TOMM34: variants seen among roughly 807,000 people sequenced by gnomAD.
TOMM34 encodes translocase of outer mitochondrial membrane 34.
A neutral mutation model predicts 37.4 loss-of-function variants in TOMM34; 24 were observed. The ratio of observed to expected loss-of-function variants is 0.64; its 90% confidence interval spans 0.46 to 0.90. The LOEUF (loss-of-function observed/expected upper bound fraction) is 0.90, where lower values mean the gene tolerates loss of function less well. Ranked by LOEUF, TOMM34 falls within the 40% of genes least tolerant of loss-of-function variation. The pLI is 0.00. For missense variants in TOMM34, 304 were observed against 375.6 expected (o/e 0.81, Z 1.58); for synonymous variants, 154 against 148.9 (o/e 1.03, Z -0.25).
In TOMM34 at chr20:44,947,533, C is replaced by G. The variant is rs1343812973; in HGVS notation, c.698+1197G>C. Among the ~76,000 whole-genome samples the G allele has an allele frequency of 3.9e-5, 6 of 152,228 alleles. No individual in the cohort carries two copies. In the East Asian group the frequency reaches 1.2e-3, roughly 29 times the overall value. On this transcript the variant is annotated intron_variant, in intron 5 of 6. Coordinates refer to ENST00000372813, the MANE Select transcript of TOMM34 (RefSeq NM_006809.5). ...TTTTTTTTTGTGACAGAGTCTCGCT[C>G]TGTCACCCAGGCTGGAGTGCAGTGG...
chr20:44,949,138 A>G (rs1013139170), intron 4 of TOMM34, among the ~76,000 whole-genome samples: 1 of 152,212 alleles, frequency 6.6e-6, no homozygotes, highest in Non-Finnish European at 1.5e-5. Context: ...ATAAATGATA[A>G]AAAGCAACCC....
intron 3 of TOMM34, among the ~76,000 whole-genome samples, chr20:44,952,416 T>C (rs1440312851): frequency 6.6e-6 from 1 of 152,210 alleles, no homozygotes; most frequent in Non-Finnish European, 1.5e-5. Context: ...GCTTATGTCA[T>C]TCTCAAATCT....
Position 44,955,277 on chromosome 20 carries a change from TAC to T in TOMM34, c.228-59_228-58del, listed in dbSNP as rs1313398279. The T allele has an allele frequency of 2.5e-6, 4 of 1,592,162 alleles. No homozygotes were observed. In the African/African-American group the frequency reaches 4.0e-5, roughly 16 times the overall value. ...GGCTGCTGAGCCACCAGGGTTTCCC[TAC>T]AGTTTCTTCCAGGCAGGGTTATCTG... On this transcript the variant is annotated intron_variant, in intron 2 of 6. Transcript: ENST00000372813.
intron 5 of TOMM34, 120 bp downstream of exon 5, chr20:44,948,608 CAT>C (rs2145597581): frequency 8.1e-7 from 1 of 1,237,988 alleles, no homozygotes; most frequent in East Asian, 2.4e-5. Context: ...AACGTGGATG[CAT>C]GTTTTCAGCC....
At chr20:44,957,496 G>A (rs1601151245) in intron 1 of TOMM34, among the ~76,000 whole-genome samples, 1 of 152,006 alleles carries the variant, frequency 6.6e-6, no homozygotes, top group African/African-American at 2.4e-5. Context: ...TATTTTTAAA[G>A]ATAATTTTCA....
chr20:44,960,148 C>G (rs941811627), intron 1 of TOMM34, 59 bp downstream of exon 1: 1 of 1,508,596 alleles, frequency 6.6e-7, no homozygotes, highest in African/African-American at 1.4e-5. Flanking sequence ...GAGGCCCGGG[C>G]GGTGGTTGCG....
rs528637350 is a variant in TOMM34, at chr20:44,960,327, G to A, written c.7C>T (p.Pro3Ser). 6 of 1,572,896 alleles carry A rather than the reference G, an allele frequency of 3.8e-6. No individual in the cohort carries two copies. In the East Asian group the frequency reaches 9.6e-5, roughly 25 times the overall value. ...TCCTCCACAGAGTCTGGGAATTTGG[G>A]GGCCATCCCGTGGCCAGGCCGGCGA... MA[P>S]KFPDSVEELR... is the part of the protein sequence containing the mutation. The change falls in exon 1 of 7, where the codon CCC (proline) becomes TCC (serine). Residue 3 changes from proline (P) to serine (S), a missense_variant. Transcript: ENST00000372813.
chr20:44,958,927 C>CAAAAAAAAAAAAAAA, intron 1 of TOMM34: 1 of 98,388 alleles, frequency 1.0e-5, no homozygotes, highest in African/African-American at 4.1e-5. Flanking sequence ...AAAGTGCAGA[C>CAAAAAAAAAAAAAAA]AAAAAAAAAA....
At position 44,943,099 on chromosome 20, in the gene TOMM34, T is replaced by G. The variant is rs759634009; in HGVS notation, c.*10A>C. 6.2e-7 allele frequency: 1 copy of G among 1,613,946 alleles called. No individual in the cohort carries two copies. Among genetic ancestry groups the G allele is most frequent in the Non-Finnish European group, 8.5e-7 (1 of 1,179,934 alleles). The stretch of plus-strand genomic sequence containing the variant: ...GGTCAGGCAGGGGTTCCAGTTGCCC[T>G]GTTGGGTTTTTAGTGTAGGTTCTGC... On this transcript the variant is annotated 3_prime_UTR_variant, in exon 7 of 7. Transcript: ENST00000372813.
intron 5 of TOMM34, among the ~76,000 whole-genome samples, chr20:44,948,152 T>G (rs2066996464): frequency 6.6e-6 from 1 of 152,136 alleles, no homozygotes; most frequent in Non-Finnish European, 1.5e-5. Context: ...TGGAGAACAA[T>G]CACTCCTACA....
At chr20:44,946,714 C>T (rs563091579) in intron 5 of TOMM34, among the ~76,000 whole-genome samples, 10 of 152,226 alleles carry the variant, frequency 6.6e-5, no homozygotes, top group African/African-American at 2.2e-4. Flanking sequence ...TTCAGATGGG[C>T]GTACATGAGG....
chr20:44,948,663 AG>A (rs2067000880), intron 5 of TOMM34, 66 bp downstream of exon 5: 1 of 1,575,906 alleles, frequency 6.3e-7, no homozygotes, highest in East Asian at 2.2e-5. Context: ...GGCCCATTGC[AG>A]TCCAAGAGAA....
intron 6 of TOMM34, 39 bp from the exon 7 acceptor site, chr20:44,943,252 C>T (rs80216798): frequency 1.4e-5 from 23 of 1,610,562 alleles, no homozygotes; most frequent in East Asian, 6.7e-5. Context: ...GGAAGGTTCC[C>T]GGACTGGGGT....
At chr20:44,956,692 A>C (rs1465401787) in intron 1 of TOMM34, among the ~76,000 whole-genome samples, 1 of 152,182 alleles carries the variant, frequency 6.6e-6, no homozygotes, top group Admixed American at 6.5e-5. Context: ...ATTCAAAGGG[A>C]ACCAAGTATT....
Position 44,955,055 on chromosome 20 carries a change from G to A in TOMM34, c.380+13C>T. 6.2e-7 allele frequency: 1 copy of A among 1,613,770 alleles called. No homozygotes were observed. Among genetic ancestry groups the A allele is most frequent in the Non-Finnish European group, 8.5e-7 (1 of 1,179,764 alleles). The stretch of plus-strand genomic sequence containing the variant: ...AGTTGCCGTGGAGACCACCTGCTGG[G>A]AATGGAGCTCACCTGTTGATGCCTT... On this transcript the variant is annotated intron_variant, in intron 3 of 6. Transcript: ENST00000372813.
Position 44,960,265 on chromosome 20 carries a change from G to A in TOMM34, c.69C>T (p.Gly23=), listed in dbSNP as rs746123677. ...AGAGCGCGGAGGCCTCGGCGTACTG[G>A]CCGTTGCGGAAACTCTCATTGCCGG... ...RAAGNESFRN[G]QYAEASALYG... The change falls in exon 1 of 7, where the codon GGC becomes GGT. Residue 23 remains glycine (G), a synonymous_variant. Coordinates refer to ENST00000372813, the MANE Select transcript of TOMM34 (RefSeq NM_006809.5). 24 of 1,575,990 alleles carry A rather than the reference G, an allele frequency of 1.5e-5. No individual in the cohort carries two copies. Among genetic ancestry groups the A allele is most frequent in the African/African-American group, 1.4e-5 (1 of 73,262 alleles).
chr20:44,958,279 T>C (rs559606460), intron 1 of TOMM34: 1 of 458,728 alleles, frequency 2.2e-6, no homozygotes, highest in Non-Finnish European at 4.6e-6. Context: ...ATGTTGATAT[T>C]TGATATCTTT....
chr20:44,954,645 A>T (rs1375886816), intron 3 of TOMM34, among the ~76,000 whole-genome samples: 1 of 152,198 alleles, frequency 6.6e-6, no homozygotes, highest in Admixed American at 6.5e-5. Flanking sequence ...CAATATACTG[A>T]ACCATGTCCA....
At chr20:44,960,116 G>T in intron 1 of TOMM34, 91 bp downstream of exon 1, 1 of 693,270 alleles carries the variant, frequency 1.4e-6, no homozygotes, top group Non-Finnish European at 2.4e-6. Context: ...GGAGGGCCGG[G>T]CAGGACTGCT....
Sources: gnomAD v4.1 joint callset for allele counts (sites outside exome capture counted in the v4.1 genomes callset) on GRCh38, gnomAD v4.1.1 for gene constraint, MANE v1.5 for transcripts, NCBI Gene and HGNC (gene_info 2026-07-23, HGNC 2026-07-21) for gene names.